STPG2: variants seen among roughly 807,000 people sequenced by gnomAD.
The protein encoded by STPG2 is sperm tail PG-rich repeat containing 2.
Under a neutral mutation model 54.2 loss-of-function variants are expected in STPG2, and 56 were observed. That is an observed-to-expected ratio of 1.03 (90% CI 0.83 to 1.29). The LOEUF (loss-of-function observed/expected upper bound fraction) is 1.29, where lower values mean the gene tolerates loss of function less well. STPG2 is among the 50% of genes most tolerant of loss of function. STPG2 has a pLI of 0.00. For missense variants in STPG2, 596 were observed against 544.9 expected, an observed-to-expected ratio of 1.09 and a Z score of -0.93; for synonymous variants, 200 against 181.8, an observed-to-expected ratio of 1.10 and a Z score of -0.81.
intron 4 of STPG2, among the ~76,000 whole-genome samples, chr4:97,537,113 G>A (rs1560648988): frequency 6.6e-6 from 1 of 152,166 alleles, no homozygotes; most frequent in East Asian, 1.9e-4. Flanking sequence ...AGCTCCCAGT[G>A]TGAGCGATGC....
At chr4:97,651,675 G>A (rs1216050701) in intron 10 of STPG2, among the ~76,000 whole-genome samples, 1 of 151,800 alleles carries the variant, frequency 6.6e-6, no homozygotes, top group African/African-American at 2.4e-5. Flanking sequence ...TCACTTTACA[G>A]ATAACATGAT....
At chr4:97,958,393 T>C (rs1733765376) in intron 7 of STPG2, among the ~76,000 whole-genome samples, 1 of 151,986 alleles carries the variant, frequency 6.6e-6, no homozygotes, top group Non-Finnish European at 1.5e-5. Context: ...CATATCTCAA[T>C]ACTAACATTG....
chr4:97,446,075 C>G (rs1177452759), intron 4 of STPG2, among the ~76,000 whole-genome samples: 2 of 152,150 alleles, frequency 1.3e-5, no homozygotes, highest in African/African-American at 4.8e-5. Context: ...TAATTCAAAA[C>G]TGCTTGATAA....
intron 8 of STPG2, among the ~76,000 whole-genome samples, chr4:97,868,791 G>GT (rs1158343786): frequency 6.6e-6 from 1 of 151,782 alleles, no homozygotes; most frequent in Non-Finnish European, 1.5e-5. Context: ...GATAAACACA[G>GT]TGTCAAACCA....
chr4:98,031,060 C>CA (rs1255515906), intron 5 of STPG2, among the ~76,000 whole-genome samples: 1 of 152,088 alleles, frequency 6.6e-6, no homozygotes, highest in Non-Finnish European at 1.5e-5. Context: ...TAAAAACAGG[C>CA]ACATAGACCA....
chr4:97,538,149 A>G (rs1731585370), intron 4 of STPG2, among the ~76,000 whole-genome samples: 2 of 152,242 alleles, frequency 1.3e-5, no homozygotes, highest in South Asian at 4.1e-4. Flanking sequence ...CTCCTCCTCC[A>G]AAGGAATGCA....
intron 10 of STPG2, among the ~76,000 whole-genome samples, chr4:97,578,920 G>T (rs889117263): frequency 2.0e-5 from 3 of 152,040 alleles, no homozygotes; most frequent in Non-Finnish European, 4.4e-5. Flanking sequence ...AAAAATGTCT[G>T]GGAGCAGAAT....
intron 4 of STPG2, among the ~76,000 whole-genome samples, chr4:97,513,463 A>G (rs182427495): frequency 6.6e-5 from 10 of 152,146 alleles, no homozygotes; most frequent in Non-Finnish European, 1.5e-4. Context: ...CTAATCATGC[A>G]TTGGTCTTTC....
At chr4:97,634,916 G>A (rs575968591) in intron 10 of STPG2, among the ~76,000 whole-genome samples, 2 of 152,098 alleles carry the variant, frequency 1.3e-5, no homozygotes, top group Non-Finnish European at 2.9e-5. Context: ...AAAACACTCT[G>A]CAGGATATTA....
intron 10 of STPG2, among the ~76,000 whole-genome samples, chr4:97,635,301 G>T (rs1721471009): frequency 6.6e-6 from 1 of 152,210 alleles, no homozygotes; most frequent in Non-Finnish European, 1.5e-5. Context: ...GAGAGATTTT[G>T]TCACCACTAG....
intron 9 of STPG2, among the ~76,000 whole-genome samples, chr4:97,747,497 A>G (rs770865650): frequency 4.6e-5 from 7 of 151,466 alleles, no homozygotes; most frequent in African/African-American, 1.7e-4. Flanking sequence ...CTTCCTTTAC[A>G]TCCTTTTACT....
In STPG2 at chr4:97,774,325, A is replaced by G. The variant is rs923363086; in HGVS notation, c.1205-61511T>C. On this transcript the variant is annotated intron_variant, in intron 9 of 10. Coordinates refer to ENST00000295268, the MANE Select transcript of STPG2 (RefSeq NM_174952.3). ...GTCTGGGGTACAGGACCTTCTTACC[A>G]TCTCTGGAAATTTTAGGACTTAATT... is the stretch of plus-strand genomic sequence containing the variant. Among the ~76,000 whole-genome samples the G allele has an allele frequency of 1.3e-5, 2 of 152,104 alleles. 1 individual carries two copies. Among genetic ancestry groups the G allele is most frequent in the Admixed American group, 1.3e-4 (2 of 15,268 alleles).
chr4:97,485,340 C>G (rs748744931), intron 4 of STPG2, among the ~76,000 whole-genome samples: 6 of 151,628 alleles, frequency 4.0e-5, no homozygotes, highest in Non-Finnish European at 8.9e-5. Context: ...TCCTAGAACT[C>G]GTATAAGAAT....
chr4:98,143,064 A>G lies in STPG2; in HGVS notation c.87T>C (p.Pro29=). Residue 29 remains proline, a synonymous_variant, in exon 1 of 11, where the codon CCT becomes CCC. Transcript: ENST00000295268. ...TACCTGTCGCCTGCTGCTTCAGGAA[A>G]GGTACCTGGTAGGATCCAGGACCCA... ...AHVGPGSYQV[P]FLKQQATGSN... 1 of 1,613,222 alleles carries G rather than the reference A, an allele frequency of 6.2e-7. No individual in the cohort carries two copies. The highest frequency in any genetic ancestry group is 8.5e-7 in the Non-Finnish European group (1 of 1,179,554).
rs186362316 is a variant in STPG2 at position 97,463,673 on chromosome 4, C to T, written c.462+249026G>A. 13 of 152,398 alleles carry T rather than the reference C, an allele frequency of 8.5e-5. No homozygotes were observed. In the East Asian group the frequency reaches 2.3e-3, roughly 27 times the overall value. 9.4% of individuals were successfully genotyped at this position (152,398 alleles called of 1,614,324 possible). ...CCATGTTGGCCAAGCTGTTCTTGAACTCCTGACCTCAGGTGATCTGCCTGC... is the reference window on the plus strand; with the variant it reads ...CCATGTTGGCCAAGCTGTTCTTGAATTCCTGACCTCAGGTGATCTGCCTGC... On this transcript the variant is annotated intron_variant, in intron 4 of 4. Transcript: ENST00000522676.
chr4:97,587,728 C>T (rs1176641036), intron 10 of STPG2, among the ~76,000 whole-genome samples: 1 of 151,878 alleles, frequency 6.6e-6, no homozygotes, highest in Admixed American at 6.6e-5. Context: ...GTTCAAGGCC[C>T]CACCCCTATT....
intron 8 of STPG2, among the ~76,000 whole-genome samples, chr4:97,918,301 C>G (rs993132109): frequency 6.6e-6 from 1 of 152,136 alleles, no homozygotes; most frequent in Non-Finnish European, 1.5e-5. Flanking sequence ...CCAAGATGTT[C>G]CAGATAAATT....
intron 10 of STPG2, among the ~76,000 whole-genome samples, chr4:97,614,582 C>T (rs567455526): frequency 1.3e-5 from 2 of 152,228 alleles, no homozygotes; most frequent in South Asian, 2.1e-4. Context: ...AAAACTGTTG[C>T]CATGCTCTTC....
chr4:97,510,824 T>A (rs1263640637), intron 4 of STPG2, among the ~76,000 whole-genome samples: 11 of 152,112 alleles, frequency 7.2e-5, no homozygotes, highest in African/African-American at 2.7e-4. Context: ...TTAAAGCTGC[T>A]GGGCACAGTG....
Sources: gnomAD v4.1 joint callset for allele counts (sites outside exome capture counted in the v4.1 genomes callset) on GRCh38, gnomAD v4.1.1 for gene constraint, MANE v1.5 for transcripts, NCBI Gene and HGNC (gene_info 2026-07-23, HGNC 2026-07-21) for gene names.